Variants in CNTN4 observed in about 807,000 individuals in gnomAD.
The protein encoded by CNTN4 is contactin-4.
In CNTN4, 77 loss-of-function variants were observed where a neutral mutation model predicts 122.5. The observed-to-expected ratio is 0.63, with a 90% CI of 0.52 to 0.76. The LOEUF is 0.76. Among genes scored for constraint, CNTN4 ranks in the 30% least tolerant of loss-of-function variants. CNTN4 has a pLI of 0.00. For missense variants in CNTN4, 1,256 were observed against 1,259.1 expected (o/e 1.00, Z 0.04); for synonymous variants, 512 against 447.0 (o/e 1.15, Z -1.83).
chr3:2,663,880 A>G, intron 4 of CNTN4, among the ~76,000 whole-genome samples: 1 of 152,190 alleles, frequency 6.6e-6, no homozygotes, highest in Non-Finnish European at 1.5e-5. Flanking sequence ...ATACTAAGTA[A>G]AAGAGTCCTG....
intron 7 of CNTN4, among the ~76,000 whole-genome samples, chr3:2,863,155 G>A (rs2093687594): frequency 6.6e-6 from 1 of 152,052 alleles, no homozygotes; most frequent in Admixed American, 6.5e-5. Flanking sequence ...TATTCCTCCT[G>A]CTCCTTCCTG....
intron 10 of CNTN4, among the ~76,000 whole-genome samples, chr3:2,887,995 A>G (rs957530234): frequency 2.0e-5 from 3 of 152,224 alleles, no homozygotes; most frequent in African/African-American, 7.2e-5. Context: ...ATAGATTGAT[A>G]ATTATTTAAG....
At chr3:2,508,273 A>G (rs1276894081) in intron 3 of CNTN4, among the ~76,000 whole-genome samples, 1 of 152,208 alleles carries the variant, frequency 6.6e-6, no homozygotes, top group Non-Finnish European at 1.5e-5. Flanking sequence ...TTTCTGAACC[A>G]TCCCTTTTGA....
intron 2 of CNTN4, among the ~76,000 whole-genome samples, chr3:2,250,683 G>A (rs926787099): frequency 1.7e-4 from 26 of 151,808 alleles, no homozygotes; most frequent in Non-Finnish European, 2.2e-4. Flanking sequence ...TTTGCATTTT[G>A]TCACACTATT....
rs569039473 is a variant in CNTN4, at chr3:2,357,831, T to C, written c.-89+18598T>C. On this transcript the variant is annotated intron_variant, in intron 3 of 24. Coordinates refer to ENST00000418658, the MANE Select transcript of CNTN4 (RefSeq NM_175607.3). ...AATTGCTATCATCTTCTTAATCCTG[T>C]ATGTATTTGGTATCAGGCTTTAATG... 1.8e-4 allele frequency among the ~76,000 whole-genome samples: 27 copies of C among 152,362 alleles called. 1 individual carries two copies. Among genetic ancestry groups the C allele is most frequent in the East Asian group, 5.8e-4 (3 of 5,188 alleles).
chr3:2,328,528 T>G (rs1460536097), intron 2 of CNTN4, among the ~76,000 whole-genome samples: 1 of 152,224 alleles, frequency 6.6e-6, no homozygotes, highest in Non-Finnish European at 1.5e-5. Context: ...TTAATCTATC[T>G]TTTGTTGTAG....
intron 6 of CNTN4, among the ~76,000 whole-genome samples, chr3:2,753,477 CTTTTA>C: frequency 6.6e-6 from 1 of 152,284 alleles, no homozygotes; most frequent in Non-Finnish European, 1.5e-5. Flanking sequence ...ACAGATATTA[CTTTTA>C]TTTTATAGGT....
In CNTN4 at chr3:2,938,595, G is replaced by C. The variant is rs1399497001; in HGVS notation, c.1358+12816G>C. ...ACAAGCACTAGATGCTTCTTTCTAA[G>C]CTTTAAAAGGGAGATAAAGCTTTCG... On this transcript the variant is annotated intron_variant, in intron 13 of 24. Coordinates refer to ENST00000418658, the MANE Select transcript of CNTN4 (RefSeq NM_175607.3). Among the ~76,000 whole-genome samples the C allele has an allele frequency of 2.6e-5, 4 of 152,180 alleles. No individual in the cohort carries two copies. The East Asian group carries it at 7.7e-4, about 29-fold the overall frequency.
chr3:2,776,093 G>C (rs935711997), intron 6 of CNTN4, among the ~76,000 whole-genome samples: 9 of 152,128 alleles, frequency 5.9e-5, no homozygotes, highest in Admixed American at 3.3e-4. Flanking sequence ...TGAACACAAA[G>C]TTTGAGGATG....
At chr3:2,969,090 A>G (rs1692618599) in intron 13 of CNTN4, among the ~76,000 whole-genome samples, 1 of 152,208 alleles carries the variant, frequency 6.6e-6, no homozygotes, top group Non-Finnish European at 1.5e-5. Flanking sequence ...CATTATTTTC[A>G]TAATATTTCA....
At chr3:3,052,591 G>GTA (rs1701374297) in intron 23 of CNTN4, among the ~76,000 whole-genome samples, 1 of 152,186 alleles carries the variant, frequency 6.6e-6, no homozygotes, top group Non-Finnish European at 1.5e-5. Flanking sequence ...TCCCAGACCT[G>GTA]TATATTTTGT....
At chr3:2,338,705 A>G (rs190341995) in intron 2 of CNTN4, among the ~76,000 whole-genome samples, 5 of 152,268 alleles carry the variant, frequency 3.3e-5, no homozygotes, top group African/African-American at 1.2e-4. Flanking sequence ...GGTAGCTTTA[A>G]GAGAATGTAC....
intron 2 of CNTN4, among the ~76,000 whole-genome samples, chr3:2,308,931 T>C (rs923564695): frequency 1.3e-5 from 2 of 152,118 alleles, no homozygotes; most frequent in Non-Finnish European, 1.5e-5. Context: ...GAAGAATGTG[T>C]ATTCTACTGT....
At chr3:2,287,965 T>G (rs116199769) in intron 2 of CNTN4, among the ~76,000 whole-genome samples, 326 of 152,320 alleles carry the variant, frequency 2.1e-3, no homozygotes, top group African/African-American at 2.9e-3. Context: ...CTCATTTTTT[T>G]TGTGTTAACT....
intron 2 of CNTN4, among the ~76,000 whole-genome samples, chr3:2,110,231 A>T (rs1177897893): frequency 2.0e-5 from 3 of 152,170 alleles, no homozygotes; most frequent in Non-Finnish European, 4.4e-5. Flanking sequence ...ACACATTCTT[A>T]CTTTTCCCAA....
In CNTN4 at chr3:2,183,216, C is replaced by T. The variant is rs528954814; in HGVS notation, c.-145+82577C>T. Among the ~76,000 whole-genome samples, 82 of 152,104 alleles carry T rather than the reference C, an allele frequency of 5.4e-4. 1 individual carries two copies. The highest frequency in any genetic ancestry group is 1.8e-3 in the African/African-American group (75 of 41,512). On this transcript the variant is annotated intron_variant, in intron 2 of 24. Transcript: ENST00000418658. ...TTAATCTTATACATGATATGACAGC[C>T]GTGATTTTACCTTTCTTTTTTAAAA...
intron 15 of CNTN4, among the ~76,000 whole-genome samples, chr3:3,028,410 T>G (rs1318060077): frequency 2.6e-5 from 4 of 152,146 alleles, no homozygotes; most frequent in Non-Finnish European, 5.9e-5. Context: ...CCTCACTCTA[T>G]TTTTTTCTTT....
chr3:2,182,165 T>G (rs1227620276), intron 2 of CNTN4, among the ~76,000 whole-genome samples: 1 of 152,138 alleles, frequency 6.6e-6, no homozygotes, highest in African/African-American at 2.4e-5. Flanking sequence ...GTGGTTCCTA[T>G]TTTGACATCC....
At chr3:2,493,829 C>T (rs1478119077) in intron 3 of CNTN4, among the ~76,000 whole-genome samples, 2 of 152,110 alleles carry the variant, frequency 1.3e-5, no homozygotes, top group Admixed American at 6.6e-5. Flanking sequence ...GGGAATTGTG[C>T]TGTCATCCTC....
Sources: allele counts gnomAD v4.1 joint callset (sites outside exome capture counted in the v4.1 genomes callset), GRCh38; gene constraint gnomAD v4.1.1; transcripts MANE v1.5; gene names NCBI Gene and HGNC (gene_info 2026-07-23, HGNC 2026-07-21).